MLLT3: variants seen among roughly 807,000 people sequenced by gnomAD.
MLLT3 encodes protein AF-9.
A neutral mutation model predicts 53.2 loss-of-function variants in MLLT3; 4 were observed. The observed-to-expected ratio is 0.08, with a 90% CI of 0.04 to 0.17. The LOEUF (loss-of-function observed/expected upper bound fraction) is 0.17. MLLT3 is among the 10% of genes least tolerant of loss of function. The pLI, the probability that MLLT3 is intolerant of heterozygous loss-of-function variation, is 1.00. For missense variants in MLLT3, 569 were observed against 684.0 expected, an observed-to-expected ratio of 0.83 and a Z score of 1.87; for synonymous variants, 283 against 230.6, an observed-to-expected ratio of 1.23 and a Z score of -2.06.
intron 2 of MLLT3, among the ~76,000 whole-genome samples, chr9:20,573,859 C>T (rs752555136): frequency 3.3e-5 from 5 of 152,186 alleles, no homozygotes; most frequent in Non-Finnish European, 4.4e-5. Flanking sequence ...ATTTTTCCAT[C>T]TTACAGGTGA....
intron 4 of MLLT3, among the ~76,000 whole-genome samples, chr9:20,437,630 T>C (rs1015561245): frequency 2.6e-5 from 4 of 152,068 alleles, no homozygotes; most frequent in Admixed American, 6.5e-5. Context: ...CAACTAGAAG[T>C]AGTTCTAGCC....
chr9:20,414,453 C>T (rs1348405568), intron 4 of MLLT3, 28 bp from the exon 5 acceptor site: 2 of 1,601,288 alleles, frequency 1.2e-6, no homozygotes, highest in East Asian at 4.5e-5. Flanking sequence ...GAAAATGAAA[C>T]TCCCAAAACT....
At chr9:20,434,496 T>G (rs1412445816) in intron 4 of MLLT3, among the ~76,000 whole-genome samples, 1 of 151,462 alleles carries the variant, frequency 6.6e-6, no homozygotes, top group Non-Finnish European at 1.5e-5. Flanking sequence ...GGCACTGAAA[T>G]CAGAGGATGT....
chr9:20,550,528 T>C (rs1277194414), intron 2 of MLLT3, among the ~76,000 whole-genome samples: 1 of 152,046 alleles, frequency 6.6e-6, no homozygotes, highest in Non-Finnish European at 1.5e-5. Flanking sequence ...CCTCCCAGAC[T>C]CAAGTGATCC....
intron 2 of MLLT3, among the ~76,000 whole-genome samples, chr9:20,469,819 G>A (rs997131152): frequency 1.3e-5 from 2 of 151,906 alleles, no homozygotes; most frequent in South Asian, 2.1e-4. Context: ...GAATGAAGGT[G>A]AGCTAAGTCC....
At chr9:20,595,857 G>A (rs896151096) in intron 2 of MLLT3, among the ~76,000 whole-genome samples, 4 of 152,138 alleles carry the variant, frequency 2.6e-5, no homozygotes, top group Non-Finnish European at 4.4e-5. Flanking sequence ...AAGAAGTCCG[G>A]GAAATCTGTT....
intron 2 of MLLT3, among the ~76,000 whole-genome samples, chr9:20,551,273 A>G (rs1818919708): frequency 6.6e-6 from 1 of 152,206 alleles, no homozygotes; most frequent in Admixed American, 6.5e-5. Context: ...AAGTACTCCT[A>G]TATTTGATAA....
chr9:20,525,201 A>T (rs1189531417), intron 2 of MLLT3, among the ~76,000 whole-genome samples: 3 of 151,954 alleles, frequency 2.0e-5, no homozygotes, highest in African/African-American at 4.8e-5. Flanking sequence ...CTACAAACAG[A>T]AAGACAAATT....
chr9:20,360,342 A>G (rs553795254), intron 8 of MLLT3, among the ~76,000 whole-genome samples: 1 of 152,322 alleles, frequency 6.6e-6, no homozygotes, highest in African/African-American at 2.4e-5. Context: ...ATCAAAAGCT[A>G]AAAGTTAATT....
rs1820858092 is a variant in MLLT3 at position 20,346,077 on chromosome 9, T to C, written c.*366A>G. On this transcript the variant is annotated 3_prime_UTR_variant, in exon 11 of 11. Transcript: ENST00000380338. ...AATAAGGCAGTGTGTTGAATATGCATTCGTCCTGTGGAATGAACCACCACA... is the reference window on the plus strand; with the variant it reads ...AATAAGGCAGTGTGTTGAATATGCACTCGTCCTGTGGAATGAACCACCACA... 1 of 260,040 alleles carries C rather than the reference T, an allele frequency of 3.8e-6. No individual in the cohort carries two copies. Among genetic ancestry groups the C allele is most frequent in the Non-Finnish European group, 7.5e-6 (1 of 133,874 alleles). 16.1% of individuals were successfully genotyped at this position (260,040 alleles called of 1,614,324 possible).
intron 5 of MLLT3, among the ~76,000 whole-genome samples, chr9:20,367,422 T>G (rs190237486): frequency 4.0e-4 from 61 of 152,322 alleles, no homozygotes; most frequent in Non-Finnish European, 5.9e-5. Context: ...CTCTTGTACT[T>G]AGCATAATGC....
At chr9:20,365,894 T>G (rs1347665628) in intron 5 of MLLT3, 150 bp from the exon 6 acceptor site, 3 of 725,244 alleles carry the variant, frequency 4.1e-6, no homozygotes, top group Admixed American at 2.7e-5. Context: ...AGTCATGTTG[T>G]CTTTTGTTGT....
chr9:20,599,490 C>T (rs910131758), intron 2 of MLLT3, among the ~76,000 whole-genome samples: 3 of 150,232 alleles, frequency 2.0e-5, no homozygotes, highest in Middle Eastern at 3.6e-3. Context: ...CATGAAACCT[C>T]TCATGTTTCT....
intron 2 of MLLT3, among the ~76,000 whole-genome samples, chr9:20,550,857 A>G (rs1177473698): frequency 6.6e-6 from 1 of 152,216 alleles, no homozygotes; most frequent in Non-Finnish European, 1.5e-5. Flanking sequence ...TCCTGGGCTC[A>G]AGCAATCCTC....
chr9:20,549,599 G>A (rs1049908378), intron 2 of MLLT3, among the ~76,000 whole-genome samples: 1 of 152,170 alleles, frequency 6.6e-6, no homozygotes, highest in Non-Finnish European at 1.5e-5. Flanking sequence ...AATGAACAAA[G>A]GTCACACAGG....
intron 2 of MLLT3, among the ~76,000 whole-genome samples, chr9:20,603,851 G>A (rs1279332582): frequency 6.6e-6 from 1 of 152,016 alleles, no homozygotes; most frequent in Non-Finnish European, 1.5e-5. Flanking sequence ...ATGTACAGTG[G>A]CTGTGAACTT....
rs543788096 is a variant in MLLT3, at chr9:20,342,074, T to C, written c.*4369A>G. 6 of 212,504 alleles carry C rather than the reference T, an allele frequency of 2.8e-5. No individual in the cohort carries two copies. In the East Asian group the frequency reaches 4.2e-4, roughly 15 times the overall value. 13.2% of individuals were successfully genotyped at this position (212,504 alleles called of 1,614,324 possible). On this transcript the variant is annotated 3_prime_UTR_variant, in exon 11 of 11. Coordinates refer to ENST00000380338, the MANE Select transcript of MLLT3 (RefSeq NM_004529.4). ...TCTGGATGTCTCAGATCTCCCCATCTATTCTTCTTTAGAAACAGCATCACT... is the reference window on the plus strand; with the variant it reads ...TCTGGATGTCTCAGATCTCCCCATCCATTCTTCTTTAGAAACAGCATCACT...
At chr9:20,499,161 T>C (rs568423622) in intron 2 of MLLT3, among the ~76,000 whole-genome samples, 3 of 152,296 alleles carry the variant, frequency 2.0e-5, no homozygotes, top group African/African-American at 4.8e-5. Context: ...TGTATCTTCA[T>C]ATAAAGTATC....
intron 2 of MLLT3, among the ~76,000 whole-genome samples, chr9:20,544,963 G>C (rs895334207): frequency 6.6e-6 from 1 of 151,930 alleles, no homozygotes. Flanking sequence ...CACATCTGTA[G>C]TCCTAGCTAC....
Sources: gnomAD v4.1 joint callset for allele counts (sites outside exome capture counted in the v4.1 genomes callset) on GRCh38, gnomAD v4.1.1 for gene constraint, MANE v1.5 for transcripts, NCBI Gene and HGNC (gene_info 2026-07-23, HGNC 2026-07-21) for gene names.